The following NLRP8 variants were observed in gnomAD, a reference collection of about 807,000 sequenced individuals.
NLRP8 encodes NACHT, LRR and PYD domains-containing protein 8.
A neutral mutation model predicts 88.7 loss-of-function variants in NLRP8; 86 were observed. The observed-to-expected ratio is 0.97, with a 90% confidence interval of 0.81 to 1.16. NLRP8 has a LOEUF of 1.16. Ranked by LOEUF, NLRP8 falls within the 50% of genes most tolerant of loss-of-function variation. NLRP8 has a pLI of 0.00. For missense variants in NLRP8, 1,342 were observed against 1,286.5 expected (o/e 1.04, Z -0.66); for synonymous variants, 504 against 494.6 (o/e 1.02, Z -0.25).
At chr19:55,982,810 A>G (rs898660038) in intron 9 of NLRP8, among the ~76,000 whole-genome samples, 3 of 152,156 alleles carry the variant, frequency 2.0e-5, no homozygotes, top group African/African-American at 7.2e-5. Flanking sequence ...CCTGGGCATG[A>G]TGGCGCATGC....
At chr19:55,954,470 A>G in intron 2 of NLRP8, 31 bp from the exon 3 acceptor site, 4 of 1,599,456 alleles carry the variant, frequency 2.5e-6, no homozygotes, top group Non-Finnish European at 3.4e-6. Context: ...CTGATGTCAT[A>G]CCCTTTATTT....
intron 9 of NLRP8, among the ~76,000 whole-genome samples, chr19:55,983,463 CAAAAAA>C (rs3974175): frequency 8.2e-5 from 7 of 85,310 alleles, no homozygotes; most frequent in Non-Finnish European, 1.3e-4. Context: ...GACTCCATCT[CAAAAAA>C]AAAAAAAAAA....
intron 9 of NLRP8, among the ~76,000 whole-genome samples, chr19:55,986,246 C>T (rs926580456): frequency 2.0e-5 from 3 of 151,824 alleles, no homozygotes; most frequent in African/African-American, 7.3e-5. Flanking sequence ...GTGCAACTTC[C>T]AGATTATGTA....
chr19:55,965,817 C>G (rs564240053), intron 4 of NLRP8, among the ~76,000 whole-genome samples: 123 of 148,560 alleles, frequency 8.3e-4, no homozygotes, highest in Non-Finnish European at 1.5e-3. Context: ...CCCCCCACCC[C>G]CCCAGAGGCC....
At chr19:55,986,247 A>G (rs2123236529) in intron 9 of NLRP8, among the ~76,000 whole-genome samples, 1 of 151,990 alleles carries the variant, frequency 6.6e-6, no homozygotes, top group Non-Finnish European at 1.5e-5. Context: ...TGCAACTTCC[A>G]GATTATGTAA....
chr19:55,980,309 A>G (rs1980518676), intron 9 of NLRP8, among the ~76,000 whole-genome samples: 1 of 152,140 alleles, frequency 6.6e-6, no homozygotes, highest in South Asian at 2.1e-4. Context: ...TGCCTAACAC[A>G]TGTTCTCAAC....
At chr19:55,949,055 G>A (rs1298868164) in intron 1 of NLRP8, among the ~76,000 whole-genome samples, 2 of 152,144 alleles carry the variant, frequency 1.3e-5, no homozygotes, top group African/African-American at 4.8e-5. Flanking sequence ...GCTTTCTGAA[G>A]TTTGGGTTGA....
chr19:55,979,537 G>A lies in NLRP8; in HGVS notation c.3020G>A (p.Ser1007Asn), dbSNP rs1980487785. The A allele has an allele frequency of 6.2e-7, 1 of 1,614,090 alleles. No individual in the cohort carries two copies. ...CTGACCTTGTGCGAGGCCTTCTCAA[G>A]CCAAAAGAAGAGAGAAGAGGTCATT... The change falls in exon 9 of 10, where the codon AGC becomes AAC. Residue 1007 changes from serine to asparagine, a missense_variant. Coordinates refer to ENST00000291971, the MANE Select transcript of NLRP8 (RefSeq NM_176811.2).
chr19:55,976,793 C>CATAT (rs1568468249), intron 8 of NLRP8, among the ~76,000 whole-genome samples: 2 of 23,482 alleles, frequency 8.5e-5, no homozygotes, highest in Non-Finnish European at 1.8e-4. Flanking sequence ...TATAAAGATA[C>CATAT]ATGTGGCCAG....
At chr19:55,967,069 C>T (rs306495) in intron 5 of NLRP8, among the ~76,000 whole-genome samples, 55,272 of 152,048 alleles carry the variant, frequency 0.36, 10,668 homozygotes, top group Non-Finnish European at 0.43. Context: ...CTTTGTATTA[C>T]AAACAATTGA....
In NLRP8 at chr19:55,988,173, C is replaced by T; in HGVS notation, c.*260C>T. 2 of 251,786 alleles carry T rather than the reference C, an allele frequency of 7.9e-6. No homozygotes were observed. Among genetic ancestry groups the T allele is most frequent in the South Asian group, 6.8e-5 (1 of 14,716 alleles). The allele number at this position is 251,786 out of a possible 1,614,324, so 15.6% of individuals were successfully genotyped here. ...ATGGGAGGTCGAGGTGGGCAGATTA[C>T]CTGAGGTCAGGAGTTCCAGACCAGC... On this transcript the variant is annotated 3_prime_UTR_variant, in exon 10 of 10. Coordinates refer to ENST00000291971, the MANE Select transcript of NLRP8 (RefSeq NM_176811.2).
At chr19:55,978,234 G>T (rs546228722) in intron 8 of NLRP8, among the ~76,000 whole-genome samples, 5 of 151,904 alleles carry the variant, frequency 3.3e-5, no homozygotes, top group Non-Finnish European at 5.9e-5. Context: ...AGTTTTAGAG[G>T]GGGGAGGGAT....
In NLRP8 at chr19:55,954,614, G is replaced by C; in HGVS notation, c.556G>C (p.Glu186Gln). The change falls in exon 3 of 10, where the codon GAG (glutamate) becomes CAG (glutamine). Residue 186 changes from glutamate to glutamine, a missense_variant. Coordinates refer to ENST00000291971, the MANE Select transcript of NLRP8 (RefSeq NM_176811.2). The stretch of plus-strand genomic sequence containing the variant: ...CTTCTACCAAGGTGTACACAGGCAC[G>C]AGGAGTACTTACCATGTCTGCTTCT... 1 of 1,614,180 alleles carries C rather than the reference G, an allele frequency of 6.2e-7. No homozygotes were observed. The highest frequency in any genetic ancestry group is 8.5e-7 in the Non-Finnish European group (1 of 1,180,028).
chr19:55,963,727 T>A (rs1654391), intron 4 of NLRP8, among the ~76,000 whole-genome samples: 83,477 of 151,626 alleles, frequency 0.55, 23,033 homozygotes, highest in East Asian at 0.63. Context: ...ATTTTTTTTT[T>A]AATTTTTTGT....
chr19:55,983,900 G>C (rs75980235), intron 9 of NLRP8, among the ~76,000 whole-genome samples: 1,602 of 150,880 alleles, frequency 0.011, 30 homozygotes, highest in African/African-American at 0.032. Context: ...ACTTGGAACC[G>C]ATGGTGACTT....
intron 9 of NLRP8, among the ~76,000 whole-genome samples, chr19:55,983,463 C>CAAAAAAAAAAAAAAAAA (rs3974175): frequency 1.2e-5 from 1 of 85,328 alleles, no homozygotes. Flanking sequence ...GACTCCATCT[C>CAAAAAAAAAAAAAAAAA]AAAAAAAAAA....
rs1373895859 is a variant in NLRP8 at position 55,955,467 on chromosome 19, G to T, written c.1409G>T (p.Gly470Val). ...ATGTGGCACAGGAAATGGGTGTTAG[G>T]TAAAGAAGATCTTGAGGAAGCCAAG... Residue 470 changes from glycine (G) to valine (V), a missense_variant, in exon 3 of 10, where the codon GGT becomes GTT. By Grantham distance (109) the Gly-to-Val change is moderately radical. Transcript: ENST00000291971. 6.2e-7 allele frequency: 1 copy of T among 1,614,214 alleles called. No homozygotes were observed. Among genetic ancestry groups the T allele is most frequent in the African/African-American group, 1.3e-5 (1 of 75,058 alleles).
At position 55,954,761 on chromosome 19, in the gene NLRP8, C is replaced by T; in HGVS notation, c.703C>T (p.His235Tyr). 1 of 1,614,206 alleles carries T rather than the reference C, an allele frequency of 6.2e-7. No homozygotes were observed. Among genetic ancestry groups the T allele is most frequent in the Non-Finnish European group, 8.5e-7 (1 of 1,180,044 alleles). ...GTGGGCCAGAAACAAGTTCTACGCC[C>T]ACAAGCGCTGGTGTGCTTTCTACTT... Residue 235 changes from histidine to tyrosine, a missense_variant, in exon 3 of 10, where the codon CAC becomes TAC. Physicochemically the swap from His to Tyr is moderately conservative, Grantham distance 83 (BLOSUM62 2). Coordinates refer to ENST00000291971, the MANE Select transcript of NLRP8 (RefSeq NM_176811.2).
At chr19:55,951,411 T>C (rs188416011) in intron 1 of NLRP8, among the ~76,000 whole-genome samples, 3 of 152,324 alleles carry the variant, frequency 2.0e-5, no homozygotes, top group African/African-American at 7.2e-5. Flanking sequence ...ATTAGCGAAT[T>C]TGGTGTTCAC....
Sources: gnomAD v4.1 joint callset for allele counts (sites outside exome capture counted in the v4.1 genomes callset) on GRCh38, gnomAD v4.1.1 for gene constraint, MANE v1.5 for transcripts, NCBI Gene and HGNC (gene_info 2026-07-23, HGNC 2026-07-21) for gene names.